COL8A1: variants seen among roughly 807,000 people sequenced by gnomAD.
The protein encoded by COL8A1 is collagen type VIII alpha 1 chain, also known as collagen alpha-1(VIII) chain.
COL8A1 carries 21 observed loss-of-function variants against 42.7 expected under a neutral mutation model. The ratio of observed to expected loss-of-function variants is 0.49; its 90% CI spans 0.35 to 0.71. The LOEUF is 0.71. Ranked by LOEUF, COL8A1 falls within the 30% of genes least tolerant of loss-of-function variation. COL8A1 has a pLI of 0.01. For missense variants in COL8A1, 788 were observed against 962.4 expected (o/e 0.82, Z 2.40); for synonymous variants, 367 against 369.1 (o/e 0.99, Z 0.06).
intron 2 of COL8A1, among the ~76,000 whole-genome samples, chr3:99,768,306 T>C (rs1225064563): frequency 6.6e-6 from 1 of 152,188 alleles, no homozygotes; most frequent in Non-Finnish European, 1.5e-5. Flanking sequence ...AAGTTTGTAA[T>C]CTGTTGATAG....
chr3:99,639,909 TTTTG>T (rs1937472141), intron 1 of COL8A1, among the ~76,000 whole-genome samples: 1 of 152,214 alleles, frequency 6.6e-6, no homozygotes, highest in Admixed American at 6.5e-5. Context: ...TTTTTTATTT[TTTTG>T]TTTGTTTATA....
chr3:99,726,443 T>C (rs919457773), intron 1 of COL8A1, among the ~76,000 whole-genome samples: 7 of 151,602 alleles, frequency 4.6e-5, no homozygotes, highest in African/African-American at 1.7e-4. Flanking sequence ...ATTTTGGCTT[T>C]TGTTGCCATT....
In COL8A1 at chr3:99,777,987, G is replaced by C. The variant is rs1941725673; in HGVS notation, c.-3-12693G>C. The stretch of plus-strand genomic sequence containing the variant: ...AGCAGGTGGTCAATAATGTATCCTT[G>C]GCTGGTTTCCACAGCAAGAGACAGA... On this transcript the variant is annotated intron_variant, in intron 2 of 3. Transcript: ENST00000652472. Among the ~76,000 whole-genome samples the C allele has an allele frequency of 1.3e-5, 2 of 152,158 alleles. 1 individual carries two copies. Among genetic ancestry groups the C allele is most frequent in the South Asian group, 4.1e-4 (2 of 4,830 alleles).
chr3:99,683,907 GC>G (rs1348866794), intron 1 of COL8A1, among the ~76,000 whole-genome samples: 1 of 151,698 alleles, frequency 6.6e-6, no homozygotes, highest in African/African-American at 2.4e-5. Context: ...AAAACAATAA[GC>G]TAAAAAAAAA....
intron 1 of COL8A1, among the ~76,000 whole-genome samples, chr3:99,642,655 A>G (rs1268961010): frequency 1.3e-5 from 2 of 152,222 alleles, no homozygotes; most frequent in Non-Finnish European, 1.5e-5. Context: ...CAGGATGTGC[A>G]GATGCAGTCA....
At position 99,699,437 on chromosome 3, in the gene COL8A1, A is replaced by G. The variant is rs529681228; in HGVS notation, c.-128-45460A>G. 1.2e-4 allele frequency among the ~76,000 whole-genome samples: 19 copies of G among 152,358 alleles called. No individual in the cohort carries two copies. In the South Asian group the frequency reaches 3.9e-3, roughly 32 times the overall value. On this transcript the variant is annotated intron_variant, in intron 1 of 3. Transcript: ENST00000652472. ...TCCACCTTCCTCTTCCTGCTCTCAC[A>G]TCATAGAATTTTATGATGTTTCTGT...
chr3:99,738,914 T>C lies in COL8A1; in HGVS notation c.-128-5983T>C, dbSNP rs555892345. Among the ~76,000 whole-genome samples, 3 of 152,246 alleles carry C rather than the reference T, an allele frequency of 2.0e-5. No homozygotes were observed. In the South Asian group the frequency reaches 6.2e-4, roughly 32 times the overall value. On this transcript the variant is annotated intron_variant, in intron 1 of 3. Coordinates refer to ENST00000652472, the MANE Select transcript of COL8A1 (RefSeq NM_020351.4). ...AGGACCCTCTGAGCCAGATGTGGGATATAATCTCTTGGTGCGCCGTTTTTT... is the reference window on the plus strand; with the variant it reads ...AGGACCCTCTGAGCCAGATGTGGGACATAATCTCTTGGTGCGCCGTTTTTT...
intron 1 of COL8A1, among the ~76,000 whole-genome samples, chr3:99,728,083 A>G (rs1029621158): frequency 2.0e-5 from 3 of 151,914 alleles, no homozygotes; most frequent in Non-Finnish European, 4.4e-5. Context: ...AACTGGCACA[A>G]GACAGGGATA....
chr3:99,738,603 T>C (rs942521162), intron 1 of COL8A1, among the ~76,000 whole-genome samples: 2 of 152,226 alleles, frequency 1.3e-5, no homozygotes, highest in African/African-American at 4.8e-5. Flanking sequence ...AGCTGCGTGA[T>C]GGGAGAACCA....
intron 1 of COL8A1, among the ~76,000 whole-genome samples, chr3:99,668,965 A>G (rs1035118653): frequency 4.3e-4 from 65 of 151,828 alleles, no homozygotes; most frequent in African/African-American, 1.5e-3. Context: ...TTAGTAGGTC[A>G]GAAATTGGGC....
At chr3:99,737,227 T>G (rs185930669) in intron 1 of COL8A1, among the ~76,000 whole-genome samples, 1 of 152,196 alleles carries the variant, frequency 6.6e-6, no homozygotes, top group East Asian at 1.9e-4. Flanking sequence ...ATTTAGTCCA[T>G]TTACATTTAA....
At position 99,742,697 on chromosome 3, in the gene COL8A1, C is replaced by T. The variant is rs188425750; in HGVS notation, c.-128-2200C>T. Among the ~76,000 whole-genome samples, 125 of 152,318 alleles carry T rather than the reference C, an allele frequency of 8.2e-4. 3 individuals are homozygous for T. The East Asian group carries it at 0.023, about 28-fold the overall frequency. Reference sequence around the variant, plus strand: ...AATTTAGGCATCTTCACTGTTTTTTCTCTGCTTCCACTATTGCATTTCAAA... The same window carrying T: ...AATTTAGGCATCTTCACTGTTTTTTTTCTGCTTCCACTATTGCATTTCAAA... On this transcript the variant is annotated intron_variant, in intron 1 of 3. Coordinates refer to ENST00000652472, the MANE Select transcript of COL8A1 (RefSeq NM_020351.4).
chr3:99,640,727 A>G lies in COL8A1; in HGVS notation c.-129+2063A>G, dbSNP rs1384913492. Among the ~76,000 whole-genome samples, 4 of 152,186 alleles carry G rather than the reference A, an allele frequency of 2.6e-5. No individual in the cohort carries two copies. The East Asian group carries it at 7.7e-4, about 29-fold the overall frequency. ...AGGAGCAAAGCTATCCTTTCTCCAT[A>G]GGGTACATACCAAGCAAGATGACAC... On this transcript the variant is annotated intron_variant, in intron 1 of 3. Coordinates refer to ENST00000652472, the MANE Select transcript of COL8A1 (RefSeq NM_020351.4).
At position 99,650,675 on chromosome 3, in the gene COL8A1, C is replaced by T. The variant is rs144270487; in HGVS notation, c.-129+12011C>T. 2.7e-3 allele frequency among the ~76,000 whole-genome samples: 418 copies of T among 152,254 alleles called. 2 individuals are homozygous for T. Among genetic ancestry groups the T allele is most frequent in the Non-Finnish European group, 4.1e-3 (277 of 68,004 alleles). ...TCTCGAACTCCTGAGCTAAGGTGCT[C>T]TCCCCACCTCGGCCTCCCAAAGTGC... On this transcript the variant is annotated intron_variant, in intron 1 of 3. Coordinates refer to ENST00000652472, the MANE Select transcript of COL8A1 (RefSeq NM_020351.4).
At chr3:99,770,089 G>T (rs543661365) in intron 2 of COL8A1, among the ~76,000 whole-genome samples, 1 of 152,194 alleles carries the variant, frequency 6.6e-6, no homozygotes, top group Admixed American at 6.5e-5. Flanking sequence ...TTGTGCAGAA[G>T]TATGATTAGA....
At chr3:99,722,992 A>T (rs1383654062) in intron 1 of COL8A1, among the ~76,000 whole-genome samples, 1 of 141,474 alleles carries the variant, frequency 7.1e-6, no homozygotes, top group Non-Finnish European at 1.5e-5. Flanking sequence ...GAAAAAAATC[A>T]GAGACCAAAG....
chr3:99,774,850 TA>T (rs1941661850), intron 2 of COL8A1, among the ~76,000 whole-genome samples: 2 of 123,936 alleles, frequency 1.6e-5, no homozygotes, highest in Non-Finnish European at 3.4e-5. Flanking sequence ...ATCAATGAAT[TA>T]ATTAATAGGT....
chr3:99,723,023 G>GTGTT lies in COL8A1; in HGVS notation c.-128-21871_-128-21870insTTGT, dbSNP rs1414991083. Among the ~76,000 whole-genome samples, 472 of 151,766 alleles carry GTGTT rather than the reference G, an allele frequency of 3.1e-3. 5 individuals are homozygous for GTGTT. The highest frequency in any genetic ancestry group is 6.8e-3 in the Middle Eastern group (2 of 294). On this transcript the variant is annotated intron_variant, in intron 1 of 3. Coordinates refer to ENST00000652472, the MANE Select transcript of COL8A1 (RefSeq NM_020351.4). ...CAAAGTTGTGTGTGTGTGTGTGTGT[G>GTGTT]TGTGTGTGTGTAATAAATAGATGAC...
intron 1 of COL8A1, among the ~76,000 whole-genome samples, chr3:99,731,489 G>A (rs753306584): frequency 1.3e-5 from 2 of 152,098 alleles, no homozygotes. Flanking sequence ...ATAATGTGGG[G>A]CATAGCAGCC....
Sources: gnomAD v4.1 joint callset for allele counts (sites outside exome capture counted in the v4.1 genomes callset) on GRCh38, gnomAD v4.1.1 for gene constraint, MANE v1.5 for transcripts, NCBI Gene and HGNC (gene_info 2026-07-23, HGNC 2026-07-21) for gene names.